Variants in ACTMAP observed in about 807,000 individuals in gnomAD.
ACTMAP encodes UPF0692 protein C19orf54.
At chr19:40,741,039 GGTGAGCAAGGCT>G in the ACTMAP span, 1 of 398,674 alleles carries the variant, frequency 2.5e-6, no homozygotes, top group Non-Finnish European at 4.4e-6. Flanking sequence ...GGGACACAGT[GGTGAGCAAGGCT>G]GCTCCAAGCC....
the ACTMAP span, chr19:40,741,962 G>T: frequency 1.1e-5 from 5 of 440,966 alleles, no homozygotes; most frequent in Admixed American, 1.2e-4. Flanking sequence ...AAGTTAAGGA[G>T]TGATCCGCAG....
the ACTMAP span, chr19:40,749,358 G>A: frequency 1.1e-5 from 11 of 991,276 alleles, no homozygotes; most frequent in Non-Finnish European, 1.3e-5. Context: ...AGAGATCTAG[G>A]TGGGGGACCT....
the ACTMAP span, chr19:40,744,020 C>T: frequency 6.2e-7 from 1 of 1,613,976 alleles, no homozygotes; most frequent in Non-Finnish European, 8.5e-7. Context: ...GCCCTGGGAC[C>T]CACCCTTTGC....
chr19:40,746,386 AGTTTTT>A, the ACTMAP span, among the ~76,000 whole-genome samples: 50 of 150,684 alleles, frequency 3.3e-4, 1 homozygote, highest in South Asian at 1.5e-3. Flanking sequence ...TGCCTGGCTA[AGTTTTT>A]GTTTTTGTTT....
At chr19:40,744,638 G>A in the ACTMAP span, 6 of 1,613,610 alleles carry the variant, frequency 3.7e-6, no homozygotes, top group Non-Finnish European at 5.1e-6. Flanking sequence ...CGCCACTGGG[G>A]GGCGACAGGA....
At chr19:40,746,833 G>C in the ACTMAP span, among the ~76,000 whole-genome samples, 1 of 150,412 alleles carries the variant, frequency 6.6e-6, no homozygotes, top group East Asian at 2.0e-4. Flanking sequence ...TTGAGATGCA[G>C]TCTTGCTCTG....
the ACTMAP span, among the ~76,000 whole-genome samples, chr19:40,743,294 A>G: frequency 6.7e-6 from 1 of 148,984 alleles, no homozygotes; most frequent in Non-Finnish European, 1.5e-5. Context: ...GTGCAGTGGC[A>G]CGATCTCAGC....
At chr19:40,744,860 G>A in the ACTMAP span, 3 of 1,053,500 alleles carry the variant, frequency 2.8e-6, no homozygotes, top group South Asian at 3.3e-5. Flanking sequence ...GGGGGTGGAA[G>A]GCGGGGGAGA....
chr19:40,743,523 G>A, the ACTMAP span, among the ~76,000 whole-genome samples: 3 of 152,132 alleles, frequency 2.0e-5, no homozygotes, highest in African/African-American at 4.8e-5. Flanking sequence ...GTGAGCCACC[G>A]CGCCTGGCCA....
At chr19:40,747,515 G>A in the ACTMAP span, among the ~76,000 whole-genome samples, 1 of 151,800 alleles carries the variant, frequency 6.6e-6, no homozygotes, top group East Asian at 1.9e-4. Context: ...TCCAGTCTGG[G>A]CAATAAGAGC....
At chr19:40,743,691 A>G in the ACTMAP span, among the ~76,000 whole-genome samples, 2 of 152,138 alleles carry the variant, frequency 1.3e-5, no homozygotes, top group Non-Finnish European at 2.9e-5. Context: ...CCAGGCCTGG[A>G]GCCCAGACGG....
the ACTMAP span, chr19:40,744,661 T>C: frequency 6.2e-7 from 1 of 1,612,224 alleles, no homozygotes; most frequent in Middle Eastern, 1.7e-4. Flanking sequence ...GTACCTGCCA[T>C]CCACAAGGCC....
At chr19:40,743,802 C>T in the ACTMAP span, 1 of 1,442,110 alleles carries the variant, frequency 6.9e-7, no homozygotes, top group Non-Finnish European at 9.7e-7. Flanking sequence ...AGTGCCCAGC[C>T]TGGCTGGGGA....
the ACTMAP span, chr19:40,742,263 C>A: frequency 1.3e-6 from 1 of 757,852 alleles, no homozygotes; most frequent in East Asian, 2.7e-5. Context: ...GTCAATCTCT[C>A]CCTAGAGGGA....
chr19:40,744,183 G>A, the ACTMAP span: 2 of 1,583,690 alleles, frequency 1.3e-6, no homozygotes. Context: ...GGGCCAGCCT[G>A]CCCATATCGG....
the ACTMAP span, among the ~76,000 whole-genome samples, chr19:40,747,399 G>T: frequency 6.6e-6 from 1 of 151,934 alleles, no homozygotes; most frequent in Non-Finnish European, 1.5e-5. Context: ...TTAGCCAGGC[G>T]TGGTGGTGGG....
At chr19:40,744,580 C>T in the ACTMAP span, 27 of 1,613,694 alleles carry the variant, frequency 1.7e-5, no homozygotes, top group South Asian at 1.6e-4. Context: ...TCTCCCTGGG[C>T]CGTGTAGCCT....
chr19:40,744,992 G>A, the ACTMAP span: 3 of 1,072,332 alleles, frequency 2.8e-6, no homozygotes, highest in Admixed American at 2.1e-5. Context: ...AAGCCTGAGT[G>A]GAAAGTTCCC....
At chr19:40,746,208 C>CTTTT in the ACTMAP span, among the ~76,000 whole-genome samples, 1 of 151,714 alleles carries the variant, frequency 6.6e-6, no homozygotes, top group Non-Finnish European at 1.5e-5. Context: ...GGATTCATTC[C>CTTTT]TTTTTGTTTG....
Sources: gnomAD v4.1 joint callset for allele counts (sites outside exome capture counted in the v4.1 genomes callset) on GRCh38, gnomAD v4.1.1 for gene constraint, MANE v1.5 for transcripts, NCBI Gene and HGNC (gene_info 2026-07-23, HGNC 2026-07-21) for gene names.